Variants in NELL2 observed in about 807,000 individuals in gnomAD.
NELL2 encodes protein kinase C-binding protein NELL2.
In NELL2, 41 loss-of-function variants were observed where a neutral mutation model predicts 109.6. The observed-to-expected ratio is 0.37, with a 90% CI of 0.29 to 0.49. The LOEUF (loss-of-function observed/expected upper bound fraction) is 0.49. NELL2 is among the 20% of genes least tolerant of loss of function. The probability of loss-of-function intolerance (pLI) is 0.98; values close to 1 mark genes in which losing one functional copy is unlikely to be tolerated. For synonymous variants in NELL2, 355 were observed against 344.7 expected (o/e 1.03, Z -0.33); for missense variants, 900 against 1,008.3 (o/e 0.89, Z 1.45).
At chr12:44,876,959 G>A (rs1945346104), upstream of NELL2, 2 of 1,123,446 alleles carry the variant, frequency 1.8e-6, no homozygotes, top group South Asian at 5.6e-5. Context: ...GAGCTTCCCG[G>A]GCGCGGAGAG....
At chr12:44,534,164 G>A (rs979206095) in intron 15 of NELL2, among the ~76,000 whole-genome samples, 2 of 151,738 alleles carry the variant, frequency 1.3e-5, no homozygotes, top group Non-Finnish European at 2.9e-5. Flanking sequence ...CCTCTTTTCA[G>A]AAGTTCAATG....
chr12:44,875,706 A>C (rs1592695275), intron 1 of NELL2, 109 bp downstream of exon 1: 1 of 1,598,584 alleles, frequency 6.3e-7, no homozygotes. Context: ...CAAGCTTCCC[A>C]CTCCAGACCT....
At chr12:44,511,832 G>C (rs1430398608) in intron 19 of NELL2, among the ~76,000 whole-genome samples, 1 of 151,990 alleles carries the variant, frequency 6.6e-6, no homozygotes, top group African/African-American at 2.4e-5. Context: ...AACTAAAAAT[G>C]GATTAAAGAT....
chr12:44,721,129 C>T (rs971687404), intron 9 of NELL2, among the ~76,000 whole-genome samples: 14 of 152,216 alleles, frequency 9.2e-5, no homozygotes, highest in African/African-American at 3.4e-4. Flanking sequence ...CAAAAAAGCA[C>T]ACGCTATTGC....
At chr12:44,726,816 T>C (rs1939106142) in intron 9 of NELL2, among the ~76,000 whole-genome samples, 1 of 152,172 alleles carries the variant, frequency 6.6e-6, no homozygotes, top group African/African-American at 2.4e-5. Context: ...ATTTCATATT[T>C]GTATTTAGTT....
chr12:44,837,178 T>C (rs566648398), intron 2 of NELL2, among the ~76,000 whole-genome samples: 2 of 152,380 alleles, frequency 1.3e-5, no homozygotes, highest in African/African-American at 4.8e-5. Flanking sequence ...TTGAATTCAC[T>C]ATGTTGGTAC....
chr12:44,672,898 C>A (rs1034073292), intron 12 of NELL2, among the ~76,000 whole-genome samples: 1 of 152,144 alleles, frequency 6.6e-6, no homozygotes, highest in African/African-American at 2.4e-5. Context: ...CCCTTTTAAG[C>A]TATCATAGGG....
intron 13 of NELL2, among the ~76,000 whole-genome samples, chr12:44,645,234 C>T (rs747051706): frequency 6.6e-6 from 1 of 152,036 alleles, no homozygotes; most frequent in Non-Finnish European, 1.5e-5. Flanking sequence ...TAGGGAGCCA[C>T]TAAATGGCAA....
intron 2 of NELL2, among the ~76,000 whole-genome samples, chr12:44,849,781 T>C (rs1368230653): frequency 2.0e-5 from 3 of 152,214 alleles, no homozygotes; most frequent in South Asian, 2.1e-4. Flanking sequence ...AATTGTGGTA[T>C]ATTCATACAG....
chr12:44,624,634 A>T (rs916005062), intron 13 of NELL2, among the ~76,000 whole-genome samples: 1 of 152,044 alleles, frequency 6.6e-6, no homozygotes, highest in African/African-American at 2.4e-5. Flanking sequence ...CTCACTCACA[A>T]TATCCCTTTA....
chr12:44,740,277 T>C (rs1011643407), intron 9 of NELL2, among the ~76,000 whole-genome samples: 3 of 152,290 alleles, frequency 2.0e-5, no homozygotes. Context: ...GATGATATAC[T>C]GATGTTTCCT....
chr12:44,751,497 C>T lies in NELL2; in HGVS notation c.994+23250G>A, dbSNP rs4768071. The stretch of plus-strand genomic sequence containing the variant: ...GCTATACAAATTTGTGTATGTATTA[C>T]ATTTCAACTTCATTTCATTTTCAAA... On this transcript the variant is annotated intron_variant, in intron 9 of 19. Transcript: ENST00000429094. Among the ~76,000 whole-genome samples the T allele has an allele frequency of 2.6e-3, 399 of 152,216 alleles. 3 individuals carry two copies. The highest frequency in any genetic ancestry group is 4.4e-3 in the Non-Finnish European group (299 of 68,008).
intron 13 of NELL2, among the ~76,000 whole-genome samples, chr12:44,612,455 C>T (rs905548401): frequency 6.6e-6 from 1 of 150,934 alleles, no homozygotes; most frequent in South Asian, 2.1e-4. Context: ...GCTGAATAAC[C>T]CAAAATTGTA....
At chr12:44,669,802 T>C (rs1948075440) in intron 12 of NELL2, among the ~76,000 whole-genome samples, 1 of 152,084 alleles carries the variant, frequency 6.6e-6, no homozygotes, top group Non-Finnish European at 1.5e-5. Context: ...ATTTTGGGAG[T>C]TCCAGAAGGA....
intron 15 of NELL2, among the ~76,000 whole-genome samples, chr12:44,558,489 T>G (rs1479808653): frequency 6.6e-6 from 1 of 151,910 alleles, no homozygotes; most frequent in Non-Finnish European, 1.5e-5. Context: ...GGTTAGACAG[T>G]GGGTGCAGCC....
chr12:44,771,705 G>A (rs1941557888), intron 9 of NELL2, among the ~76,000 whole-genome samples: 1 of 152,192 alleles, frequency 6.6e-6, no homozygotes, highest in Non-Finnish European at 1.5e-5. Context: ...TTCAACTAAA[G>A]AAAAGGCTTG....
At chr12:44,677,739 C>T (rs534106894) in intron 12 of NELL2, among the ~76,000 whole-genome samples, 1 of 152,214 alleles carries the variant, frequency 6.6e-6, no homozygotes, top group East Asian at 1.9e-4. Flanking sequence ...ATTGCTTGCA[C>T]TCTGGCACTG....
At position 44,695,290 on chromosome 12, in the gene NELL2, C is replaced by CAA. The variant is rs34087124; in HGVS notation, c.1318+8434_1318+8435dup. 6.2e-3 allele frequency among the ~76,000 whole-genome samples: 588 copies of CAA among 94,976 alleles called. 9 individuals are homozygous for CAA. In the East Asian group the frequency reaches 0.079, roughly 13 times the overall value. 62.3% of individuals were successfully genotyped at this position (94,976 alleles called of 152,430 possible). On this transcript the variant is annotated intron_variant, in intron 12 of 19. Coordinates refer to ENST00000429094, the MANE Select transcript of NELL2 (RefSeq NM_001145108.2). Reference sequence around the variant, plus strand: ...ACAGAATCAGAGCGAGACTCCGTCTCAAAAAAAAAAAAAAAAGAAGAAGCA... The same window carrying CAA: ...ACAGAATCAGAGCGAGACTCCGTCTCAAAAAAAAAAAAAAAAAAGAAGAAGCA...
chr12:44,839,841 G>T lies in NELL2; in HGVS notation c.185-23705C>A, dbSNP rs1260757764. ...ACAGCTTTGGATTGTTTTTCTATCA[G>T]TTGGGCTTAGTTACACTGCTTTGCC... On this transcript the variant is annotated intron_variant, in intron 2 of 19. Transcript: ENST00000429094. 3.9e-5 allele frequency among the ~76,000 whole-genome samples: 6 copies of T among 152,174 alleles called. No homozygotes were observed. In the East Asian group the frequency reaches 1.2e-3, roughly 29 times the overall value.
Sources: allele counts gnomAD v4.1 joint callset (sites outside exome capture counted in the v4.1 genomes callset), GRCh38; gene constraint gnomAD v4.1.1; transcripts MANE v1.5; gene names NCBI Gene and HGNC (gene_info 2026-07-23, HGNC 2026-07-21).